Variants in RBFOX1 observed in about 807,000 individuals in gnomAD.
The protein encoded by RBFOX1 is RNA binding fox-1 homolog 1.
In RBFOX1, 8 loss-of-function variants were observed where a neutral mutation model predicts 57.7. That is an observed-to-expected ratio of 0.14 (90% CI 0.08 to 0.25). RBFOX1 has a LOEUF of 0.25. Among genes scored for constraint, RBFOX1 ranks in the 10% least tolerant of loss-of-function variants. The pLI is 1.00. For synonymous variants in RBFOX1, 326 were observed against 222.4 expected (o/e 1.47, Z -4.15); for missense variants, 611 against 548.5 (o/e 1.11, Z -1.14).
At chr16:6,297,960 A>T (rs1435421905) in intron 1 of RBFOX1, among the ~76,000 whole-genome samples, 1 of 152,186 alleles carries the variant, frequency 6.6e-6, no homozygotes, top group Non-Finnish European at 1.5e-5. Context: ...CTATCCTTCA[A>T]TTCTGTGTGT....
intron 3 of RBFOX1, among the ~76,000 whole-genome samples, chr16:5,687,672 C>G (rs1370344338): frequency 6.6e-6 from 1 of 152,194 alleles, no homozygotes; most frequent in Non-Finnish European, 1.5e-5. Flanking sequence ...CCATTCCAGT[C>G]TGCCTGATAC....
intron 1 of RBFOX1, among the ~76,000 whole-genome samples, chr16:6,241,659 T>C (rs2097540792): frequency 6.6e-6 from 1 of 152,146 alleles, no homozygotes; most frequent in Non-Finnish European, 1.5e-5. Context: ...GGCCATTACA[T>C]TAAGTAATTT....
At chr16:6,816,851 C>T (rs1214166564) in intron 3 of RBFOX1, among the ~76,000 whole-genome samples, 1 of 152,016 alleles carries the variant, frequency 6.6e-6, no homozygotes, top group Non-Finnish European at 1.5e-5. Context: ...CTCAAACAGT[C>T]CTCCCACTTC....
chr16:5,436,702 G>A (rs955553107), intron 1 of RBFOX1, among the ~76,000 whole-genome samples: 5 of 151,700 alleles, frequency 3.3e-5, no homozygotes, highest in East Asian at 1.9e-4. Flanking sequence ...GCTGGGTGTG[G>A]TGGTGGATGC....
At position 5,489,941 on chromosome 16, in the gene RBFOX1, C is replaced by A. The variant is rs114123519; in HGVS notation, c.258+22687C>A. 6.4e-3 allele frequency among the ~76,000 whole-genome samples: 978 copies of A among 152,262 alleles called. 17 individuals are homozygous for A. The highest frequency in any genetic ancestry group is 0.023 in the African/African-American group (936 of 41,556). ...CTGAATCCAAGGATGTCTCACAGCC[C>A]AGAGCATCTGGAAGGAGGTCAGACC... On this transcript the variant is annotated intron_variant, in intron 2 of 2. Coordinates refer to the RBFOX1 transcript ENST00000585867.
chr16:7,574,333 T>C (rs1602224277), intron 5 of RBFOX1, among the ~76,000 whole-genome samples: 2 of 152,114 alleles, frequency 1.3e-5, no homozygotes, highest in East Asian at 3.9e-4. Flanking sequence ...ACTAATAAAA[T>C]AGATGTTTAT....
intron 4 of RBFOX1, among the ~76,000 whole-genome samples, chr16:7,135,662 G>T (rs963625831): frequency 1.3e-5 from 2 of 152,238 alleles, no homozygotes; most frequent in Non-Finnish European, 1.5e-5. Flanking sequence ...GAATATTGAG[G>T]ATTAATCGTC....
intron 4 of RBFOX1, among the ~76,000 whole-genome samples, chr16:7,130,817 C>T (rs562385673): frequency 6.6e-6 from 1 of 152,084 alleles, no homozygotes; most frequent in Non-Finnish European, 1.5e-5. Flanking sequence ...GAGTGGGGAA[C>T]AAGAACACTT....
At chr16:6,426,595 C>A (rs988798756) in intron 2 of RBFOX1, among the ~76,000 whole-genome samples, 7 of 152,106 alleles carry the variant, frequency 4.6e-5, no homozygotes, top group Admixed American at 4.6e-4. Context: ...TGTCCCAGTG[C>A]ACTCCAGCCT....
intron 2 of RBFOX1, among the ~76,000 whole-genome samples, chr16:5,577,294 A>G (rs549216785): frequency 6.6e-6 from 1 of 152,310 alleles, no homozygotes; most frequent in South Asian, 2.1e-4. Context: ...CTCTGTAACT[A>G]GCAGCATTGT....
At chr16:6,684,514 G>A (rs1262949104) in intron 3 of RBFOX1, among the ~76,000 whole-genome samples, 1 of 152,194 alleles carries the variant, frequency 6.6e-6, no homozygotes, top group East Asian at 1.9e-4. Context: ...TGCCATCTTA[G>A]AAATTGCTGC....
rs560823204 is a variant in RBFOX1, at chr16:6,436,749, A to C, written c.-64+119692A>C. ...CCCCAAACCAAACACAGTTTCCGAGATGTAGTAGTAACTCAGTGATTATTT... is the reference window on the plus strand; with the variant it reads ...CCCCAAACCAAACACAGTTTCCGAGCTGTAGTAGTAACTCAGTGATTATTT... On this transcript the variant is annotated intron_variant, in intron 2 of 15. Coordinates refer to ENST00000550418, the MANE Select transcript of RBFOX1 (RefSeq NM_018723.4). Among the ~76,000 whole-genome samples, 7 of 152,134 alleles carry C rather than the reference A, an allele frequency of 4.6e-5. No individual in the cohort carries two copies. The East Asian group carries it at 1.4e-3, about 29-fold the overall frequency.
chr16:6,190,368 T>G (rs950813675), intron 1 of RBFOX1, among the ~76,000 whole-genome samples: 7 of 152,194 alleles, frequency 4.6e-5, no homozygotes, highest in Admixed American at 2.6e-4. Context: ...AACAGAATTA[T>G]GTAGTGTCAG....
chr16:5,352,915 C>G (rs539543628), intron 1 of RBFOX1, among the ~76,000 whole-genome samples: 48 of 152,274 alleles, frequency 3.2e-4, no homozygotes, highest in Non-Finnish European at 6.2e-4. Context: ...TGTGCTCCAG[C>G]CTGGGTGATG....
At chr16:7,687,989 TA>T (rs1309902413) in intron 14 of RBFOX1, among the ~76,000 whole-genome samples, 2 of 152,050 alleles carry the variant, frequency 1.3e-5, no homozygotes, top group Non-Finnish European at 2.9e-5. Flanking sequence ...TGGTCATTGG[TA>T]TTTTATTTAA....
chr16:7,129,329 C>A (rs1485827367), intron 4 of RBFOX1, among the ~76,000 whole-genome samples: 4 of 152,102 alleles, frequency 2.6e-5, no homozygotes, highest in African/African-American at 9.7e-5. Flanking sequence ...GTCCTGTCTT[C>A]ATTTCTAAGA....
intron 4 of RBFOX1, among the ~76,000 whole-genome samples, chr16:5,904,670 C>T (rs1168164340): frequency 6.6e-6 from 1 of 152,010 alleles, no homozygotes; most frequent in East Asian, 1.9e-4. Context: ...CTTTTGAAGA[C>T]AGCATCTTGA....
intron 1 of RBFOX1, among the ~76,000 whole-genome samples, chr16:6,099,103 T>G (rs1362177134): frequency 1.3e-5 from 2 of 152,200 alleles, no homozygotes; most frequent in Non-Finnish European, 2.9e-5. Context: ...GGGCGACACA[T>G]TTTAGAATTT....
At chr16:6,535,939 A>G (rs750872212) in intron 2 of RBFOX1, among the ~76,000 whole-genome samples, 1 of 152,116 alleles carries the variant, frequency 6.6e-6, no homozygotes, top group Non-Finnish European at 1.5e-5. Context: ...CTGACTTTAA[A>G]CTTTGACCCA....
Sources: allele counts gnomAD v4.1 joint callset (sites outside exome capture counted in the v4.1 genomes callset), GRCh38; gene constraint gnomAD v4.1.1; transcripts MANE v1.5; gene names NCBI Gene and HGNC (gene_info 2026-07-23, HGNC 2026-07-21).